The following ATRNL1 variants were observed in gnomAD, a reference collection of about 807,000 sequenced individuals.
ATRNL1 encodes the protein attractin-like protein 1.
A neutral mutation model predicts 182.7 loss-of-function variants in ATRNL1; 95 were observed. The ratio of observed to expected loss-of-function variants is 0.52; its 90% CI spans 0.44 to 0.62. The LOEUF (loss-of-function observed/expected upper bound fraction) is 0.62. Among genes scored for constraint, ATRNL1 ranks in the 20% least tolerant of loss-of-function variants. The pLI is 0.00. For missense variants in ATRNL1, 1,471 were observed against 1,679.5 expected (o/e 0.88, Z 2.17); for synonymous variants, 576 against 568.3 (o/e 1.01, Z -0.19).
chr10:115,187,882 A>C (rs1486247210), intron 8 of ATRNL1, among the ~76,000 whole-genome samples: 2 of 151,716 alleles, frequency 1.3e-5, no homozygotes, highest in Admixed American at 1.3e-4. Flanking sequence ...GGGTTTCACC[A>C]TGTTAACCAG....
intron 1 of ATRNL1, among the ~76,000 whole-genome samples, chr10:115,094,430 G>A (rs782112124): frequency 1.3e-5 from 2 of 152,128 alleles, no homozygotes; most frequent in African/African-American, 4.8e-5. Context: ...AAATACATGC[G>A]CATTGTGAAA....
At chr10:115,492,166 G>T (rs931152518) in intron 24 of ATRNL1, among the ~76,000 whole-genome samples, 1 of 152,144 alleles carries the variant, frequency 6.6e-6, no homozygotes, top group Non-Finnish European at 1.5e-5. Flanking sequence ...GGGAGCTGCA[G>T]CCTGGAGCAG....
rs1318469066 is a variant in ATRNL1, at chr10:115,306,562, T to G, written c.2818+4519T>G. ...TCATTGAAGAAAAGGATTTTTAGAT[T>G]TTTTAGATTTTCTCATTGGCTCTTT... is the stretch of plus-strand genomic sequence containing the variant. On this transcript the variant is annotated intron_variant, in intron 17 of 28. Coordinates refer to ENST00000355044, the MANE Select transcript of ATRNL1 (RefSeq NM_207303.4). 6.6e-5 allele frequency among the ~76,000 whole-genome samples: 10 copies of G among 152,118 alleles called. No homozygotes were observed. The South Asian group carries it at 1.0e-3, about 16-fold the overall frequency.
intron 24 of ATRNL1, 131 bp downstream of exon 24, chr10:115,469,460 A>T: frequency 1.6e-5 from 8 of 503,688 alleles, no homozygotes; most frequent in Non-Finnish European, 2.7e-5. Context: ...GACCTTTGAT[A>T]AATAAAGGTC....
intron 7 of ATRNL1, among the ~76,000 whole-genome samples, chr10:115,166,668 T>C (rs936521210): frequency 5.9e-5 from 9 of 152,228 alleles, no homozygotes; most frequent in African/African-American, 2.2e-4. Context: ...TTAAATATCT[T>C]TTCAAGTGCT....
intron 9 of ATRNL1, among the ~76,000 whole-genome samples, chr10:115,223,950 C>CTT: frequency 2.2e-5 from 1 of 45,262 alleles, no homozygotes; most frequent in Non-Finnish European, 4.0e-5. Flanking sequence ...TTTTTTTTTT[C>CTT]TTTGAGACAG....
At chr10:115,106,172 A>G (rs1554865877) in intron 1 of ATRNL1, among the ~76,000 whole-genome samples, 2 of 152,188 alleles carry the variant, frequency 1.3e-5, no homozygotes, top group African/African-American at 2.4e-5. Flanking sequence ...AGAGACCTGG[A>G]GTCAAAGGAG....
intron 9 of ATRNL1, among the ~76,000 whole-genome samples, chr10:115,226,577 A>G (rs1482996766): frequency 2.6e-5 from 4 of 151,726 alleles, no homozygotes; most frequent in Non-Finnish European, 4.4e-5. Flanking sequence ...AAAAAAAACT[A>G]TCCTAAAATT....
chr10:115,840,479 A>G (rs1285553844), intron 27 of ATRNL1, among the ~76,000 whole-genome samples: 1 of 152,144 alleles, frequency 6.6e-6, no homozygotes, highest in Non-Finnish European at 1.5e-5. Flanking sequence ...TCATGTATAT[A>G]TATTACTCCT....
At chr10:115,481,527 A>G (rs1297095609) in intron 24 of ATRNL1, among the ~76,000 whole-genome samples, 1 of 150,850 alleles carries the variant, frequency 6.6e-6, no homozygotes, top group Non-Finnish European at 1.5e-5. Flanking sequence ...TGAACAAAAT[A>G]ACTTGTTGAA....
chr10:115,129,829 C>G (rs570265331), intron 5 of ATRNL1, among the ~76,000 whole-genome samples: 104 of 152,202 alleles, frequency 6.8e-4, no homozygotes, highest in Non-Finnish European at 1.3e-3. Flanking sequence ...GTTGTTGAAT[C>G]TCCCCAAATT....
chr10:115,687,848 T>C (rs1160326084), intron 26 of ATRNL1, among the ~76,000 whole-genome samples: 2 of 152,054 alleles, frequency 1.3e-5, no homozygotes, highest in African/African-American at 4.8e-5. Context: ...ATTTCAAATA[T>C]ACATTATATT....
At chr10:115,472,280 T>C (rs1454918289) in intron 24 of ATRNL1, among the ~76,000 whole-genome samples, 3 of 151,254 alleles carry the variant, frequency 2.0e-5, no homozygotes, top group African/African-American at 7.3e-5. Flanking sequence ...GTAAGTATGA[T>C]GCCTCCAGCT....
intron 27 of ATRNL1, among the ~76,000 whole-genome samples, chr10:115,810,140 C>G (rs557734528): frequency 3.4e-4 from 52 of 151,938 alleles, no homozygotes; most frequent in African/African-American, 1.2e-3. Context: ...TAGGATTAAG[C>G]TCACTTGTCA....
intron 18 of ATRNL1, among the ~76,000 whole-genome samples, chr10:115,326,722 G>C (rs1554933342): frequency 6.6e-6 from 1 of 151,850 alleles, no homozygotes; most frequent in Non-Finnish European, 1.5e-5. Context: ...CATGGTACTG[G>C]TACCAAAACA....
chr10:115,791,894 C>A (rs1004750236), intron 27 of ATRNL1, among the ~76,000 whole-genome samples: 1 of 152,068 alleles, frequency 6.6e-6, no homozygotes, highest in Non-Finnish European at 1.5e-5. Flanking sequence ...ATTCCTGAAA[C>A]AAATTTAAAT....
intron 20 of ATRNL1, among the ~76,000 whole-genome samples, chr10:115,420,914 G>A (rs1023985967): frequency 2.6e-4 from 40 of 152,054 alleles, no homozygotes; most frequent in African/African-American, 9.2e-4. Flanking sequence ...AGACTATAAT[G>A]AGCAATGATA....
intron 26 of ATRNL1, among the ~76,000 whole-genome samples, chr10:115,573,461 G>A (rs1476062916): frequency 6.6e-6 from 1 of 152,006 alleles, no homozygotes; most frequent in Non-Finnish European, 1.5e-5. Context: ...GGGCATGGCT[G>A]GGGGTAGGAT....
intron 28 of ATRNL1, among the ~76,000 whole-genome samples, chr10:115,868,752 G>A (rs1019997331): frequency 2.0e-5 from 3 of 150,786 alleles, no homozygotes; most frequent in African/African-American, 4.9e-5. Flanking sequence ...AAGAGGTTTC[G>A]GCTCCTTTTA....
Sources: gnomAD v4.1 joint callset for allele counts (sites outside exome capture counted in the v4.1 genomes callset) on GRCh38, gnomAD v4.1.1 for gene constraint, MANE v1.5 for transcripts, NCBI Gene and HGNC (gene_info 2026-07-23, HGNC 2026-07-21) for gene names.